The following AGBL4 variants were observed in gnomAD, a reference collection of about 807,000 sequenced individuals.
AGBL4 encodes AGBL carboxypeptidase 4.
Under a neutral mutation model 66.4 loss-of-function variants are expected in AGBL4, and 58 were observed. The ratio of observed to expected loss-of-function variants is 0.87; its 90% confidence interval spans 0.71 to 1.09. AGBL4 has a LOEUF of 1.09. Among genes scored for constraint, AGBL4 ranks in the 50% least tolerant of loss-of-function variants. The pLI is 0.00. For missense variants in AGBL4, 579 were observed against 631.0 expected, an observed-to-expected ratio of 0.92 and a Z score of 0.88; for synonymous variants, 234 against 222.9, an observed-to-expected ratio of 1.05 and a Z score of -0.44.
At chr1:48,816,640 T>G (rs867415614) in intron 6 of AGBL4, among the ~76,000 whole-genome samples, 1 of 152,210 alleles carries the variant, frequency 6.6e-6, no homozygotes, top group African/African-American at 2.4e-5. Flanking sequence ...CTAGTCCCTA[T>G]AATCAATAAG....
At chr1:49,473,725 T>TCTATGCAAAG (rs1646792978) in intron 3 of AGBL4, among the ~76,000 whole-genome samples, 1 of 152,020 alleles carries the variant, frequency 6.6e-6, no homozygotes, top group African/African-American at 2.4e-5. Flanking sequence ...TCTAGAAGAG[T>TCTATGCAAAG]ATTTCCTGGA....
At chr1:49,384,591 T>TA (rs1644696427) in intron 3 of AGBL4, among the ~76,000 whole-genome samples, 1 of 151,830 alleles carries the variant, frequency 6.6e-6, no homozygotes, top group Non-Finnish European at 1.5e-5. Context: ...AGACTCCATC[T>TA]AAAAACAAAC....
intron 3 of AGBL4, among the ~76,000 whole-genome samples, chr1:49,687,682 G>C (rs181015824): frequency 6.6e-6 from 1 of 152,108 alleles, no homozygotes; most frequent in Admixed American, 6.5e-5. Flanking sequence ...GGCTGATGCA[G>C]GAGGATTGCT....
At chr1:49,882,618 G>A (rs961006035) in intron 1 of AGBL4, among the ~76,000 whole-genome samples, 9 of 152,114 alleles carry the variant, frequency 5.9e-5, no homozygotes, top group Non-Finnish European at 1.2e-4. Flanking sequence ...ATTGTAAGTT[G>A]GATTCCTAGG....
chr1:48,847,743 A>G (rs761559710), intron 6 of AGBL4, among the ~76,000 whole-genome samples: 1 of 152,192 alleles, frequency 6.6e-6, no homozygotes, highest in Non-Finnish European at 1.5e-5. Flanking sequence ...CAAATATTTA[A>G]GAAATATGTA....
At chr1:48,653,269 A>AT (rs1417472325) in intron 8 of AGBL4, 68 bp downstream of exon 8, 15 of 1,262,428 alleles carry the variant, frequency 1.2e-5, no homozygotes, top group Middle Eastern at 1.9e-4. Context: ...TATATCCCGT[A>AT]TTTTTTCTTG....
intron 11 of AGBL4, among the ~76,000 whole-genome samples, chr1:48,545,612 T>C (rs982804447): frequency 5.3e-5 from 8 of 152,230 alleles, no homozygotes; most frequent in African/African-American, 1.9e-4. Context: ...AGATGGTCTG[T>C]AAGTTAAAAT....
At chr1:49,360,314 C>G (rs984817596) in intron 3 of AGBL4, among the ~76,000 whole-genome samples, 1 of 152,150 alleles carries the variant, frequency 6.6e-6, no homozygotes, top group African/African-American at 2.4e-5. Flanking sequence ...ATCTGTAAAA[C>G]AAACTCATAT....
intron 3 of AGBL4, among the ~76,000 whole-genome samples, chr1:49,477,440 A>G (rs1020320089): frequency 1.3e-5 from 2 of 152,092 alleles, no homozygotes; most frequent in Admixed American, 1.3e-4. Context: ...GTAATCCAGA[A>G]AAGTCTTTTG....
In AGBL4 at chr1:48,776,749, G is replaced by C. The variant is rs1279736225; in HGVS notation, c.634+90442C>G. 6.5e-6 allele frequency: 10 copies of C among 1,527,730 alleles called. No homozygotes were observed. The South Asian group carries it at 1.2e-4, about 19-fold the overall frequency. 94.6% of individuals were successfully genotyped at this position (1,527,730 alleles called of 1,614,324 possible). On this transcript the variant is annotated intron_variant, in intron 6 of 13. Coordinates refer to ENST00000371839, the MANE Select transcript of AGBL4 (RefSeq NM_032785.4). ...CTTCTGGTTGTCAAAATCCAGCCGCGAGCGGGGGCTGAAGTCGCGCACGCA... is the reference window on the plus strand; with the variant it reads ...CTTCTGGTTGTCAAAATCCAGCCGCCAGCGGGGGCTGAAGTCGCGCACGCA...
At position 48,610,887 on chromosome 1, in the gene AGBL4, G is replaced by T. The variant is rs964388451; in HGVS notation, c.952-19902C>A. Among the ~76,000 whole-genome samples, 4 of 152,266 alleles carry T rather than the reference G, an allele frequency of 2.6e-5. No individual in the cohort carries two copies. In the East Asian group the frequency reaches 7.7e-4, roughly 29 times the overall value. On this transcript the variant is annotated intron_variant, in intron 9 of 13. Coordinates refer to ENST00000371839, the MANE Select transcript of AGBL4 (RefSeq NM_032785.4). The stretch of plus-strand genomic sequence containing the variant: ...CCACACACACACAGCCTGGAAGAAG[G>T]GGGGCATCAAATACAACTGAACAGC...
chr1:48,942,046 A>G (rs1006459518), intron 5 of AGBL4, among the ~76,000 whole-genome samples: 3 of 152,222 alleles, frequency 2.0e-5, no homozygotes, highest in African/African-American at 7.2e-5. Flanking sequence ...TTTTGTGAGG[A>G]CTGTTCTATA....
At chr1:49,994,155 A>G (rs1296634830) in intron 1 of AGBL4, among the ~76,000 whole-genome samples, 1 of 152,158 alleles carries the variant, frequency 6.6e-6, no homozygotes, top group Admixed American at 6.5e-5. Flanking sequence ...GCCAGACATT[A>G]TGTGTCTCTT....
intron 3 of AGBL4, among the ~76,000 whole-genome samples, chr1:49,288,115 CA>C (rs1318517672): frequency 7.1e-6 from 1 of 141,268 alleles, no homozygotes; most frequent in Non-Finnish European, 1.5e-5. Flanking sequence ...ATCGCAAGAA[CA>C]AAAAACCAAA....
At chr1:48,597,469 GA>G (rs1216127418) in intron 9 of AGBL4, among the ~76,000 whole-genome samples, 4 of 152,078 alleles carry the variant, frequency 2.6e-5, no homozygotes, top group African/African-American at 9.7e-5. Flanking sequence ...TGGATGGGGG[GA>G]AAGTCTACTT....
At chr1:48,813,637 A>C (rs527515481) in intron 6 of AGBL4, among the ~76,000 whole-genome samples, 1 of 152,286 alleles carries the variant, frequency 6.6e-6, no homozygotes, top group Non-Finnish European at 1.5e-5. Flanking sequence ...TTTGAGCTCA[A>C]ATTTCCAGCT....
chr1:49,050,066 C>T (rs1557597498), intron 4 of AGBL4, among the ~76,000 whole-genome samples: 1 of 152,038 alleles, frequency 6.6e-6, no homozygotes, highest in Non-Finnish European at 1.5e-5. Context: ...AATGGCACAA[C>T]ACTCGATCCT....
chr1:49,813,490 C>G (rs1366207721), intron 2 of AGBL4, among the ~76,000 whole-genome samples: 2 of 152,090 alleles, frequency 1.3e-5, no homozygotes, highest in Non-Finnish European at 2.9e-5. Context: ...CTCTTTATCC[C>G]TAGGTAAACA....
chr1:48,857,689 C>A (rs1402124519), intron 6 of AGBL4, among the ~76,000 whole-genome samples: 2 of 151,766 alleles, frequency 1.3e-5, no homozygotes, highest in Non-Finnish European at 2.9e-5. Flanking sequence ...CCGCTGCACT[C>A]CAGCCTGGGT....
Sources: gnomAD v4.1 joint callset for allele counts (sites outside exome capture counted in the v4.1 genomes callset) on GRCh38, gnomAD v4.1.1 for gene constraint, MANE v1.5 for transcripts, NCBI Gene and HGNC (gene_info 2026-07-23, HGNC 2026-07-21) for gene names.